Variants in ZNF506 observed in about 807,000 individuals in gnomAD.
ZNF506 encodes zinc finger protein 506.
ZNF506 carries 10 observed loss-of-function variants against 11.6 expected under a neutral mutation model. That is an observed-to-expected ratio of 0.86 (90% CI 0.53 to 1.46). The LOEUF is 1.46. ZNF506 is among the 40% of genes most tolerant of loss of function. The pLI is 0.00. For missense variants in ZNF506, 425 were observed against 521.2 expected (o/e 0.82, Z 1.80); for synonymous variants, 156 against 173.3 (o/e 0.90, Z 0.78).
Position 19,795,638 on chromosome 19 carries a change from T to G in ZNF506, c.249A>C (p.Gln83His). The G allele has an allele frequency of 6.6e-7, 1 of 1,508,898 alleles. No homozygotes were observed. The highest frequency in any genetic ancestry group is 8.8e-7 in the Non-Finnish European group (1 of 1,132,120). 93.5% of individuals were successfully genotyped at this position (1,508,898 alleles called of 1,614,324 possible). The change falls in exon 4 of 4, where the codon CAA becomes CAC. Residue 83 changes from glutamine to histidine, a missense_variant. Gln to His is a conservative substitution (Grantham distance 24). Transcript: ENST00000540806. ...TTATGCTCTGCTCTGACCAAAGGTC[T>G]TGGGCAAAATGAGAATACATAACTG... ...KPPVMYSHFA[Q>H]DLWSEQSIKD...
rs1373374842 is a variant in ZNF506, at chr19:19,816,779, G to C, written c.3+4822C>G. Among the ~76,000 whole-genome samples, 4 of 149,474 alleles carry C rather than the reference G, an allele frequency of 2.7e-5. No individual in the cohort carries two copies. In the East Asian group the frequency reaches 5.9e-4, roughly 22 times the overall value. ...CTGAGTGCTGGGATTACAGGCGTGA[G>C]CCACCAGCCTGGCCTAAAATAAAAT... On this transcript the variant is annotated intron_variant, in intron 1 of 3. Coordinates refer to ENST00000540806, the MANE Select transcript of ZNF506 (RefSeq NM_001099269.3).
At chr19:19,800,664 C>T in intron 3 of ZNF506, among the ~76,000 whole-genome samples, 1 of 151,252 alleles carries the variant, frequency 6.6e-6, no homozygotes. Flanking sequence ...ATCCGCCTGC[C>T]TTGGCCTCCC....
chr19:19,806,086 C>T lies in ZNF506; in HGVS notation c.171G>A (p.Glu57=). 6.2e-7 allele frequency: 1 copy of T among 1,607,238 alleles called. No homozygotes were observed. Among genetic ancestry groups the T allele is most frequent in the Non-Finnish European group, 8.5e-7 (1 of 1,178,172 alleles). Residue 57 remains glutamate, a synonymous_variant, in exon 3 of 4, where the codon GAG becomes GAA. Coordinates refer to ENST00000540806, the MANE Select transcript of ZNF506 (RefSeq NM_001099269.3). ...TCATAGTTAAAGGTTTTTTTCCTTG[C>T]TCCAGACAGGTGATCAGGTTTGGTT... ...VSKPNLITCL[E]QGKKPLTMKR... is the part of the protein sequence containing the mutation.
intron 1 of ZNF506, 38 bp downstream of exon 1, chr19:19,821,563 C>G: frequency 6.2e-7 from 1 of 1,613,958 alleles, no homozygotes; most frequent in Non-Finnish European, 8.5e-7. Context: ...CCAACCAGCC[C>G]CTCTCCCTCT....
At chr19:19,801,196 A>C (rs1485713544) in intron 3 of ZNF506, among the ~76,000 whole-genome samples, 2 of 151,866 alleles carry the variant, frequency 1.3e-5, no homozygotes, top group Non-Finnish European at 2.9e-5. Context: ...ACAAAACAAA[A>C]CAAAAAAAAC....
intron 3 of ZNF506, among the ~76,000 whole-genome samples, chr19:19,805,023 G>A (rs1032072500): frequency 6.6e-6 from 1 of 152,040 alleles, no homozygotes; most frequent in Non-Finnish European, 1.5e-5. Flanking sequence ...CATGGCACAT[G>A]TATACCTATG....
rs1227695160 is a variant in ZNF506, at chr19:19,794,684, T to G, written c.1203A>C (p.Glu401Asp). 1 of 1,614,156 alleles carries G rather than the reference T, an allele frequency of 6.2e-7. No homozygotes were observed. Reference sequence around the variant, plus strand: ...AGGACCAGTTAAAAGCTTTGCCACATTCTTCACATTTGTACGGTTTCTCTC... The same window carrying G: ...AGGACCAGTTAAAAGCTTTGCCACAGTCTTCACATTTGTACGGTTTCTCTC... Reference protein sequence around the residue: ...HTGEKPYKCEECGKAFNWSSA... With the variant: ...HTGEKPYKCEDCGKAFNWSSA... The change falls in exon 4 of 4, where the codon GAA (glutamate) becomes GAC (aspartate). Residue 401 changes from glutamate (E) to aspartate (D), a missense_variant. Glu to Asp is a conservative substitution (Grantham distance 45). Transcript: ENST00000540806.
At chr19:19,814,196 G>A (rs1323768372) in intron 1 of ZNF506, among the ~76,000 whole-genome samples, 1 of 151,776 alleles carries the variant, frequency 6.6e-6, no homozygotes, top group East Asian at 1.9e-4. Flanking sequence ...ATCACATGAG[G>A]TGCGGAGTTT....
chr19:19,816,338 C>T (rs1397138830), intron 1 of ZNF506, among the ~76,000 whole-genome samples: 1 of 151,740 alleles, frequency 6.6e-6, no homozygotes, highest in East Asian at 1.9e-4. Flanking sequence ...TGCCCACCAC[C>T]ACACCCAGCT....
At chr19:19,815,401 T>C (rs1440133293) in intron 1 of ZNF506, among the ~76,000 whole-genome samples, 1 of 152,204 alleles carries the variant, frequency 6.6e-6, no homozygotes, top group Non-Finnish European at 1.5e-5. Context: ...TGGTGGCAGC[T>C]GTGGGAAAAG....
rs568022408 is a variant in ZNF506, at chr19:19,801,170, A to T, written c.226+4861T>A. 2.0e-4 allele frequency among the ~76,000 whole-genome samples: 31 copies of T among 152,050 alleles called. No homozygotes were observed. In the East Asian group the frequency reaches 3.3e-3, roughly 16 times the overall value. On this transcript the variant is annotated intron_variant, in intron 3 of 3. Coordinates refer to ENST00000540806, the MANE Select transcript of ZNF506 (RefSeq NM_001099269.3). ...AGCAAAACTCCCTTTTAAAAAAAAT[A>T]AAAAAAGAAAAGAAAACAAAACAAA...
At chr19:19,813,123 A>G (rs950897095) in intron 1 of ZNF506, among the ~76,000 whole-genome samples, 11 of 152,196 alleles carry the variant, frequency 7.2e-5, no homozygotes, top group African/African-American at 1.9e-4. Flanking sequence ...TTGGGTGGCC[A>G]CATCACCTGT....
At chr19:19,809,497 T>C (rs971777767) in intron 1 of ZNF506, among the ~76,000 whole-genome samples, 5 of 152,198 alleles carry the variant, frequency 3.3e-5, no homozygotes, top group Admixed American at 2.6e-4. Context: ...CTGGAATTCA[T>C]TCTCAGATGA....
Position 19,808,108 on chromosome 19 carries a change from C to CTTTTTTTTTTTTT in ZNF506, c.4-1053_4-1041dup, listed in dbSNP as rs757160026. Among the ~76,000 whole-genome samples, 90 of 56,772 alleles carry CTTTTTTTTTTTTT rather than the reference C, an allele frequency of 1.6e-3. 22 individuals carry two copies. Among genetic ancestry groups the CTTTTTTTTTTTTT allele is most frequent in the African/African-American group, 3.2e-3 (41 of 12,970 alleles). The allele number at this position is 56,772 out of a possible 152,430, so 37.2% of individuals were successfully genotyped here. On this transcript the variant is annotated intron_variant, in intron 1 of 3. Coordinates refer to ENST00000540806, the MANE Select transcript of ZNF506 (RefSeq NM_001099269.3). ...ACTTAACCAAGTGAATCATTAACCA[C>CTTTTTTTTTTTTT]TTTTTTTTTTTTTTTTTTTTTTTTT...
At chr19:19,807,929 A>G (rs535704337) in intron 1 of ZNF506, among the ~76,000 whole-genome samples, 6 of 152,204 alleles carry the variant, frequency 3.9e-5, no homozygotes, top group African/African-American at 1.2e-4. Context: ...TCTAGCCTAT[A>G]AACAAAGAGC....
chr19:19,808,768 G>A (rs539905118), intron 1 of ZNF506, among the ~76,000 whole-genome samples: 3 of 148,274 alleles, frequency 2.0e-5, no homozygotes, highest in East Asian at 2.0e-4. Context: ...GTTTGACCCC[G>A]GGAGGTGAAG....
chr19:19,816,190 C>CTT (rs1255591453), intron 1 of ZNF506, among the ~76,000 whole-genome samples: 12 of 145,262 alleles, frequency 8.3e-5, no homozygotes, highest in African/African-American at 2.8e-4. Flanking sequence ...CTTTTCTTTT[C>CTT]TTTTTTTTTT....
At chr19:19,815,191 C>T (rs539427658) in intron 1 of ZNF506, among the ~76,000 whole-genome samples, 6 of 152,230 alleles carry the variant, frequency 3.9e-5, no homozygotes, top group African/African-American at 1.2e-4. Flanking sequence ...ACCCGGGAGG[C>T]GGAGCCTGCA....
At position 19,793,389 on chromosome 19, in the gene ZNF506, T is replaced by C. The variant is rs2062710237; in HGVS notation, c.*1163A>G. ...AAACTCTCTGATGTTTTCTAAGCTA[T>C]AGATTTTGAAAAAAAAAGTCTTTCC... On this transcript the variant is annotated 3_prime_UTR_variant, in exon 4 of 4. Transcript: ENST00000540806. Among the ~76,000 whole-genome samples the C allele has an allele frequency of 1.3e-5, 2 of 152,150 alleles. No individual in the cohort carries two copies. Among genetic ancestry groups the C allele is most frequent in the South Asian group, 2.1e-4 (1 of 4,830 alleles).
Sources: allele counts gnomAD v4.1 joint callset (sites outside exome capture counted in the v4.1 genomes callset), GRCh38; gene constraint gnomAD v4.1.1; transcripts MANE v1.5; gene names NCBI Gene and HGNC (gene_info 2026-07-23, HGNC 2026-07-21).